Variants in EEA1 observed in about 807,000 individuals in gnomAD.
EEA1 encodes the protein early endosome antigen 1, 162kD.
In EEA1, 111 loss-of-function variants were observed where a neutral mutation model predicts 209.2. The observed-to-expected ratio is 0.53, with a 90% confidence interval of 0.45 to 0.62. The LOEUF (loss-of-function observed/expected upper bound fraction) is 0.62. Among genes scored for constraint, EEA1 ranks in the 20% least tolerant of loss-of-function variants. The probability of loss-of-function intolerance (pLI) is 0.00; values close to 1 mark genes in which losing one functional copy is unlikely to be tolerated. For missense variants in EEA1, 1,343 were observed against 1,530.8 expected, an observed-to-expected ratio of 0.88 and a Z score of 2.05; for synonymous variants, 536 against 540.6, an observed-to-expected ratio of 0.99 and a Z score of 0.12.
intron 10 of EEA1, among the ~76,000 whole-genome samples, chr12:92,840,987 T>A (rs1211662363): frequency 2.0e-5 from 3 of 152,212 alleles, no homozygotes; most frequent in Non-Finnish European, 4.4e-5. Context: ...TTTCACCATG[T>A]GGGACACAGT....
intron 9 of EEA1, among the ~76,000 whole-genome samples, chr12:92,844,399 C>T (rs1194882471): frequency 6.6e-6 from 1 of 151,986 alleles, no homozygotes; most frequent in Non-Finnish European, 1.5e-5. Context: ...TGTAACATTA[C>T]CATATTGTTA....
At chr12:92,792,957 G>A (rs770279221) in intron 21 of EEA1, among the ~76,000 whole-genome samples, 2 of 152,132 alleles carry the variant, frequency 1.3e-5, no homozygotes, top group Non-Finnish European at 2.9e-5. Flanking sequence ...CTTCATCCCT[G>A]GGATGCAATG....
rs554324089 is a variant in EEA1, at chr12:92,775,321, A to G, written c.*690T>C. The G allele has an allele frequency of 1.3e-5, 2 of 151,920 alleles. No individual in the cohort carries two copies. The highest frequency in any genetic ancestry group is 2.1e-4 in the South Asian group (1 of 4,830). The allele number at this position is 151,920 out of a possible 1,614,324, so 9.4% of individuals were successfully genotyped here. A position where few individuals can be genotyped will look rare whatever the true frequency, so the allele number is the denominator to read the frequency against. ...CTTTGCAATACAACCCCAGATAACT[A>G]TAAGTAAACAAATTGATTTTACAGA... On this transcript the variant is annotated 3_prime_UTR_variant, in exon 29 of 29. Transcript: ENST00000322349.
chr12:92,844,065 T>C, intron 9 of EEA1, among the ~76,000 whole-genome samples: 1 of 152,178 alleles, frequency 6.6e-6, no homozygotes, highest in East Asian at 1.9e-4. Context: ...GGTAAGTGAC[T>C]GAACTGAAAG....
intron 1 of EEA1, among the ~76,000 whole-genome samples, chr12:92,903,720 G>C (rs970733396): frequency 2.3e-4 from 35 of 151,890 alleles, no homozygotes; most frequent in African/African-American, 8.5e-4. Flanking sequence ...ATTTGTCAAA[G>C]AGGTAAATAC....
At chr12:92,831,959 C>T (rs560969275) in intron 11 of EEA1, among the ~76,000 whole-genome samples, 5 of 150,834 alleles carry the variant, frequency 3.3e-5, no homozygotes, top group South Asian at 4.2e-4. Flanking sequence ...CGGTGGCGGG[C>T]GCCTGTAGTC....
At chr12:92,903,830 AT>A in intron 1 of EEA1, among the ~76,000 whole-genome samples, 1 of 152,086 alleles carries the variant, frequency 6.6e-6, no homozygotes, top group Non-Finnish European at 1.5e-5. Flanking sequence ...TGTTAGGATG[AT>A]TTTTTTGTTG....
chr12:92,831,502 TATG>T (rs1472169408), intron 11 of EEA1, among the ~76,000 whole-genome samples: 2 of 148,326 alleles, frequency 1.3e-5, no homozygotes, highest in South Asian at 4.2e-4. Context: ...GTATATAATA[TATG>T]ATATGAATAA....
chr12:92,870,791 C>G (rs1190278468), intron 2 of EEA1, among the ~76,000 whole-genome samples: 1 of 152,066 alleles, frequency 6.6e-6, no homozygotes, highest in Admixed American at 6.6e-5. Flanking sequence ...ATTCTTGTGC[C>G]TCAGCCTTCC....
intron 9 of EEA1, among the ~76,000 whole-genome samples, chr12:92,847,385 A>G (rs1357157124): frequency 6.6e-6 from 1 of 152,252 alleles, no homozygotes; most frequent in Non-Finnish European, 1.5e-5. Context: ...ATTCACTAAC[A>G]TACTTAATTG....
In EEA1 at chr12:92,853,690, C is replaced by A. The variant is rs185595001; in HGVS notation, c.406+225G>T. Among the ~76,000 whole-genome samples the A allele has an allele frequency of 6.6e-4, 101 of 152,122 alleles. 5 individuals carry two copies. The highest frequency in any genetic ancestry group is 6.2e-3 in the Admixed American group (95 of 15,266). On this transcript the variant is annotated intron_variant, in intron 6 of 28. Coordinates refer to ENST00000322349, the MANE Select transcript of EEA1 (RefSeq NM_003566.4). ...GTAATATTCCAGAAGTTTCTTACTT[C>A]AAAATATAATGAACTAAAAAAACTA...
At chr12:92,792,177 A>G (rs1378174354) in intron 21 of EEA1, among the ~76,000 whole-genome samples, 1 of 152,228 alleles carries the variant, frequency 6.6e-6, no homozygotes, top group Non-Finnish European at 1.5e-5. Context: ...AGCAAGAAAG[A>G]ACTAAAATCG....
intron 24 of EEA1, 83 bp from the exon 25 acceptor site, chr12:92,779,383 C>T: frequency 2.4e-6 from 3 of 1,260,086 alleles, no homozygotes; most frequent in Non-Finnish European, 2.2e-6. Context: ...CAATTTATCA[C>T]AATAGATCAA....
intron 3 of EEA1, chr12:92,858,912 G>T (rs7959952): frequency 3.8e-5 from 27 of 707,806 alleles, no homozygotes; most frequent in Non-Finnish European, 6.6e-5. Context: ...AGAGGTTGGG[G>T]TGTTCATGGA....
At chr12:92,840,107 T>G (rs1442414482) in intron 10 of EEA1, among the ~76,000 whole-genome samples, 1 of 152,188 alleles carries the variant, frequency 6.6e-6, no homozygotes, top group Non-Finnish European at 1.5e-5. Flanking sequence ...TTTCTCTTTA[T>G]TCCCTTATGC....
intron 9 of EEA1, 52 bp from the exon 10 acceptor site, chr12:92,842,633 A>T: frequency 9.2e-7 from 1 of 1,083,230 alleles, no homozygotes; most frequent in Non-Finnish European, 1.3e-6. Flanking sequence ...TGTCTAAAAG[A>T]TAAAAAAAAT....
chr12:92,872,835 C>T (rs1488841255), intron 2 of EEA1, among the ~76,000 whole-genome samples: 1 of 152,100 alleles, frequency 6.6e-6, no homozygotes, highest in Non-Finnish European at 1.5e-5. Flanking sequence ...CACCTGTAAT[C>T]CCAGCTACTA....
intron 1 of EEA1, among the ~76,000 whole-genome samples, chr12:92,918,848 G>C (rs1303836763): frequency 2.6e-3 from 355 of 135,552 alleles, no homozygotes; most frequent in African/African-American, 9.7e-3. Context: ...TAGACCGCTA[G>C]CAAGACTAAT....
rs1311609889 is a variant in EEA1 at position 92,778,276 on chromosome 12, C to A, written c.3655-97G>T. The A allele has an allele frequency of 9.9e-6, 9 of 910,784 alleles. No individual in the cohort carries two copies. The South Asian group carries it at 1.0e-4, about 10-fold the overall frequency. The allele number at this position is 910,784 out of a possible 1,614,324, so 56.4% of individuals were successfully genotyped here. On this transcript the variant is annotated intron_variant, in intron 25 of 28. Transcript: ENST00000322349. ...CATTTAAAATACTGGCAATTTGCTT[C>A]TTCGGGAATGGAGGCAGGAGAACAT... is the stretch of plus-strand genomic sequence containing the variant.
Sources: gnomAD v4.1 joint callset for allele counts (sites outside exome capture counted in the v4.1 genomes callset) on GRCh38, gnomAD v4.1.1 for gene constraint, MANE v1.5 for transcripts, NCBI Gene and HGNC (gene_info 2026-07-23, HGNC 2026-07-21) for gene names.